SLC25A24: variants seen among roughly 807,000 people sequenced by gnomAD.
SLC25A24 encodes the protein mitochondrial adenyl nucleotide antiporter SLC25A24.
A neutral mutation model predicts 60.7 loss-of-function variants in SLC25A24; 49 were observed. The observed-to-expected ratio is 0.81, with a 90% CI of 0.64 to 1.02. The LOEUF is 1.02. Among genes scored for constraint, SLC25A24 ranks in the 50% least tolerant of loss-of-function variants. The pLI is 0.00. For synonymous variants in SLC25A24, 202 were observed against 200.6 expected (o/e 1.01, Z -0.06); for missense variants, 564 against 586.3 (o/e 0.96, Z 0.39).
intron 2 of SLC25A24, 52 bp downstream of exon 2, chr1:108,185,776 G>A: frequency 1.4e-6 from 2 of 1,409,704 alleles, no homozygotes; most frequent in East Asian, 2.3e-5. Context: ...ACTCTTGAAA[G>A]CATGATAAAT....
In SLC25A24 at chr1:108,148,363, T is replaced by A. The variant is rs775932085; in HGVS notation, c.846A>T (p.Glu282Asp). ...TCTCAAATGTTCCTATTTTTTGTCC[T>A]TCTTCAGTAAGTAACTTCTTGTACT... ...YEQYKKLLTE[E>D]GQKIGTFERF... is the part of the protein sequence containing the mutation. Residue 282 changes from glutamate to aspartate, a missense_variant, in exon 7 of 10, where the codon GAA becomes GAT. Coordinates refer to ENST00000565488, the MANE Select transcript of SLC25A24 (RefSeq NM_013386.5). 2 of 1,610,560 alleles carry A rather than the reference T, an allele frequency of 1.2e-6. No individual in the cohort carries two copies. Among genetic ancestry groups the A allele is most frequent in the Non-Finnish European group, 1.7e-6 (2 of 1,176,942 alleles).
At chr1:108,172,388 C>T (rs1362734788) in intron 3 of SLC25A24, among the ~76,000 whole-genome samples, 1 of 152,170 alleles carries the variant, frequency 6.6e-6, no homozygotes, top group Non-Finnish European at 1.5e-5. Flanking sequence ...TTATTTGGCT[C>T]ACAGTTCTAC....
chr1:108,168,636 C>T (rs1055116110), intron 3 of SLC25A24, among the ~76,000 whole-genome samples: 30 of 152,324 alleles, frequency 2.0e-4, no homozygotes, highest in African/African-American at 6.5e-4. Context: ...TCATTTGCTA[C>T]TGCTGTTTCT....
At chr1:108,195,991 TTC>T (rs1159605550) in intron 1 of SLC25A24, among the ~76,000 whole-genome samples, 2 of 142,950 alleles carry the variant, frequency 1.4e-5, no homozygotes, top group African/African-American at 5.5e-5. Flanking sequence ...TAGAGCAAGA[TTC>T]TGTCTCCAGA....
chr1:108,148,518 G>A, intron 6 of SLC25A24, 132 bp from the exon 7 acceptor site: 1 of 628,712 alleles, frequency 1.6e-6, no homozygotes, highest in Non-Finnish European at 2.9e-6. Context: ...GAGGTAATTA[G>A]GGTTATGAGG....
At chr1:108,167,764 C>T (rs555896743) in intron 3 of SLC25A24, among the ~76,000 whole-genome samples, 41 of 152,312 alleles carry the variant, frequency 2.7e-4, no homozygotes, top group African/African-American at 7.7e-4. Context: ...GCGTCGCTCA[C>T]GCTGGGAGCT....
rs192222464 is a variant in SLC25A24, at chr1:108,174,846, T to C, written c.398+7095A>G. ...TTGACTATTCCACTAGATTTCGGAC[T>C]TACTTGGGGCCTGTAGCCCCTTCAT... On this transcript the variant is annotated intron_variant, in intron 3 of 9. Transcript: ENST00000565488. Among the ~76,000 whole-genome samples, 145 of 152,330 alleles carry C rather than the reference T, an allele frequency of 9.5e-4. 1 individual carries two copies. The highest frequency in any genetic ancestry group is 3.4e-3 in the African/African-American group (141 of 41,576).
At chr1:108,164,508 G>C (rs1163932729) in intron 3 of SLC25A24, among the ~76,000 whole-genome samples, 1 of 152,018 alleles carries the variant, frequency 6.6e-6, no homozygotes, top group Non-Finnish European at 1.5e-5. Context: ...ACTTCTTCCT[G>C]GTTTAGTCTT....
At chr1:108,193,308 G>A in intron 1 of SLC25A24, among the ~76,000 whole-genome samples, 1 of 138,002 alleles carries the variant, frequency 7.2e-6, no homozygotes, top group South Asian at 2.8e-4. Flanking sequence ...GTACCCAGTA[G>A]GAAGCTTTCC....
chr1:108,189,862 A>T (rs1648284352), intron 1 of SLC25A24, among the ~76,000 whole-genome samples: 1 of 133,106 alleles, frequency 7.5e-6, no homozygotes, highest in African/African-American at 3.2e-5. Context: ...AGTAAAAAAA[A>T]ATTAAAAAAT....
At chr1:108,175,199 G>T (rs644516) in intron 3 of SLC25A24, among the ~76,000 whole-genome samples, 106,772 of 151,438 alleles carry the variant, frequency 0.71, 38,045 homozygotes, top group African/African-American at 0.81. Flanking sequence ...ACATGTCACA[G>T]GAGGGACCCA....
At chr1:108,143,808 T>C (rs1468460146) in intron 7 of SLC25A24, 98 bp from the exon 8 acceptor site, 2 of 880,300 alleles carry the variant, frequency 2.3e-6, no homozygotes, top group Non-Finnish European at 3.5e-6. Context: ...ACCTAGCACA[T>C]ATTGTCACTC....
At chr1:108,164,674 C>T (rs2101622154) in intron 3 of SLC25A24, among the ~76,000 whole-genome samples, 1 of 150,206 alleles carries the variant, frequency 6.7e-6, no homozygotes. Flanking sequence ...CTATTTGATT[C>T]TTCTCTCTTT....
chr1:108,148,610 C>G (rs967443695), intron 6 of SLC25A24, among the ~76,000 whole-genome samples: 2 of 152,162 alleles, frequency 1.3e-5, no homozygotes, highest in African/African-American at 4.8e-5. Context: ...TCTCCCCCTT[C>G]ACATGTGCAC....
At position 108,135,457 on chromosome 1, in the gene SLC25A24, TAAGAA is replaced by T. The variant is rs962361694; in HGVS notation, c.*1191_*1195del. 2 of 152,344 alleles carry T rather than the reference TAAGAA, an allele frequency of 1.3e-5. No individual in the cohort carries two copies. The highest frequency in any genetic ancestry group is 2.4e-5 in the African/African-American group (1 of 41,420). 9.4% of individuals were successfully genotyped at this position (152,344 alleles called of 1,614,324 possible). On this transcript the variant is annotated 3_prime_UTR_variant, in exon 10 of 10. Coordinates refer to ENST00000565488, the MANE Select transcript of SLC25A24 (RefSeq NM_013386.5). ...TTTTTCTAAGTTCTAATCACACAAA[TAAGAA>T]AAGATAGTTGACTATAAAAATGGCT...
Position 108,134,078 on chromosome 1 carries a change from C to G in SLC25A24, c.*2575G>C, listed in dbSNP as rs1679213780. On this transcript the variant is annotated 3_prime_UTR_variant, in exon 10 of 10. Coordinates refer to ENST00000565488, the MANE Select transcript of SLC25A24 (RefSeq NM_013386.5). Reference sequence around the variant, plus strand: ...TAAATTTATTCTCTTGACTGGGAGACAAGACTAATAGGTGAGAAACAAATA... The same window carrying G: ...TAAATTTATTCTCTTGACTGGGAGAGAAGACTAATAGGTGAGAAACAAATA... 1 of 152,148 alleles carries G rather than the reference C, an allele frequency of 6.6e-6. No homozygotes were observed. The allele number at this position is 152,148 out of a possible 1,614,324, so 9.4% of individuals were successfully genotyped here.
chr1:108,165,552 CTTCT>C (rs1489750540), intron 3 of SLC25A24, among the ~76,000 whole-genome samples: 4 of 152,080 alleles, frequency 2.6e-5, no homozygotes, highest in Admixed American at 1.3e-4. Flanking sequence ...ATGTAATGGC[CTTCT>C]TTGTCTCTTC....
At chr1:108,182,239 T>A (rs1388455114) in intron 2 of SLC25A24, among the ~76,000 whole-genome samples, 2 of 152,184 alleles carry the variant, frequency 1.3e-5, no homozygotes, top group Non-Finnish European at 2.9e-5. Context: ...ACACATTTTT[T>A]AAAATTCAGT....
Position 108,199,986 on chromosome 1 carries a change from C to G in SLC25A24, c.153G>C (p.Leu51=). 1 of 1,610,956 alleles carries G rather than the reference C, an allele frequency of 6.2e-7. No individual in the cohort carries two copies. The highest frequency in any genetic ancestry group is 8.5e-7 in the Non-Finnish European group (1 of 1,179,098). Residue 51 remains leucine, a synonymous_variant, in exon 1 of 10, where the codon CTG becomes CTC. Coordinates refer to ENST00000565488, the MANE Select transcript of SLC25A24 (RefSeq NM_013386.5). The part of the protein sequence containing the change: ...IGELQEGLRN[L]GIPLGQDAEE... ...CGGCGTCCTGGCCCAGAGGGATGCC[C>G]AGGTTCCTGAGCCCCTCCTGCAGCT...
Sources: allele counts gnomAD v4.1 joint callset (sites outside exome capture counted in the v4.1 genomes callset), GRCh38; gene constraint gnomAD v4.1.1; transcripts MANE v1.5; gene names NCBI Gene and HGNC (gene_info 2026-07-23, HGNC 2026-07-21).